The following ECT2 variants were observed in gnomAD, a reference collection of about 807,000 sequenced individuals.
The protein encoded by ECT2 is protein ECT2.
In ECT2, 61 loss-of-function variants were observed where a neutral mutation model predicts 116.9. That is an observed-to-expected ratio of 0.52 (90% CI 0.42 to 0.65). The LOEUF (loss-of-function observed/expected upper bound fraction) is 0.65, where lower values mean the gene tolerates loss of function less well. Ranked by LOEUF, ECT2 falls within the 30% of genes least tolerant of loss-of-function variation. ECT2 has a pLI of 0.00. For missense variants in ECT2, 937 were observed against 1,078.7 expected (o/e 0.87, Z 1.84); for synonymous variants, 358 against 346.4 (o/e 1.03, Z -0.37).
chr3:172,815,779 T>C (rs1729590720), intron 23 of ECT2, 68 bp downstream of exon 23: 1 of 1,031,250 alleles, frequency 9.7e-7, no homozygotes, highest in East Asian at 2.5e-5. Flanking sequence ...TCAAATAATA[T>C]TGCTGCAAAC....
At chr3:172,795,344 AT>A (rs1470674922) in intron 18 of ECT2, among the ~76,000 whole-genome samples, 16 of 144,980 alleles carry the variant, frequency 1.1e-4, no homozygotes, top group African/African-American at 2.9e-4. Context: ...AAAAAAAAAA[AT>A]TTTCAAAATT....
At chr3:172,765,815 T>C (rs1196529512) in intron 12 of ECT2, among the ~76,000 whole-genome samples, 3 of 152,194 alleles carry the variant, frequency 2.0e-5, no homozygotes, top group African/African-American at 7.2e-5. Flanking sequence ...TAATAATGCC[T>C]GTACTCTCTA....
In ECT2 at chr3:172,762,431, A is replaced by C; in HGVS notation, c.774A>C (p.Ala258=). The change falls in exon 9 of 25, where the codon GCA becomes GCC. Residue 258 remains alanine, a synonymous_variant. Transcript: ENST00000392692. ...ERRNEQDFYA[A]VDDFRNEFKV... is the part of the protein sequence containing the mutation. ...TTGTTTTTAGGGATTTCTATGCAGC[A>C]GTTGATGACTTTAGAAATGAATTTA... is the stretch of plus-strand genomic sequence containing the variant. 2.5e-6 allele frequency: 4 copies of C among 1,592,700 alleles called. No individual in the cohort carries two copies. Among genetic ancestry groups the C allele is most frequent in the Non-Finnish European group, 3.4e-6 (4 of 1,175,270 alleles).
At chr3:172,793,385 G>C (rs1162723147) in intron 18 of ECT2, among the ~76,000 whole-genome samples, 1 of 151,898 alleles carries the variant, frequency 6.6e-6, no homozygotes, top group Non-Finnish European at 1.5e-5. Context: ...AGTTGGCCTC[G>C]ATCTCCTGAC....
intron 18 of ECT2, among the ~76,000 whole-genome samples, chr3:172,791,790 C>T (rs576919178): frequency 2.0e-4 from 31 of 152,282 alleles, no homozygotes; most frequent in Middle Eastern, 6.8e-3. Flanking sequence ...ACTGGAGTAA[C>T]ACTTTTCATT....
In ECT2 at chr3:172,784,737, C is replaced by T; in HGVS notation, c.1759C>T (p.Gln587Ter). The T allele has an allele frequency of 6.2e-7, 1 of 1,613,572 alleles. No homozygotes were observed. The highest frequency in any genetic ancestry group is 8.5e-7 in the Non-Finnish European group (1 of 1,179,564). Residue 587 changes from glutamine to a stop codon, truncating the protein, a stop_gained, in exon 17 of 25, where the codon CAG becomes TAG. Coordinates refer to ENST00000392692, the MANE Select transcript of ECT2 (RefSeq NM_001258315.2). LOFTEE classifies it high-confidence loss of function. ...CCAAGCAAAACCAGAATGTGGACGG[C>T]AGAGCCTTGTTGAACTTCTTATCCG... ...INQAKPECGR[Q>*]SLVELLIRPV... is the part of the protein sequence containing the mutation.
chr3:172,786,726 G>T, intron 18 of ECT2, 152 bp downstream of exon 18: 1 of 580,092 alleles, frequency 1.7e-6, no homozygotes, highest in African/African-American at 1.9e-5. Context: ...TTAAAATGAA[G>T]TATTGTAAGA....
chr3:172,810,813 T>A (rs1728632165), intron 22 of ECT2, among the ~76,000 whole-genome samples: 1 of 152,182 alleles, frequency 6.6e-6, no homozygotes. Flanking sequence ...TTTCAAAATC[T>A]ATAGCTGAGG....
At chr3:172,819,658 ACACT>A (rs1162221611) in intron 24 of ECT2, among the ~76,000 whole-genome samples, 2 of 152,096 alleles carry the variant, frequency 1.3e-5, no homozygotes, top group Non-Finnish European at 2.9e-5. Flanking sequence ...ATACACTCTG[ACACT>A]CACATATGTA....
chr3:172,797,041 T>TGTGTGTGTGTGA (rs1553766478), intron 18 of ECT2, among the ~76,000 whole-genome samples: 93 of 151,694 alleles, frequency 6.1e-4, no homozygotes, highest in African/African-American at 2.1e-3. Context: ...TGTGTGTGTG[T>TGTGTGTGTGTGA]GTGTGTGTGT....
intron 22 of ECT2, among the ~76,000 whole-genome samples, chr3:172,815,092 C>T (rs539216824): frequency 2.0e-5 from 3 of 152,156 alleles, no homozygotes; most frequent in Admixed American, 1.3e-4. Context: ...GGAATATGCC[C>T]TTTGCACGTG....
intron 18 of ECT2, among the ~76,000 whole-genome samples, chr3:172,792,549 C>G (rs957308820): frequency 6.6e-6 from 1 of 150,520 alleles, no homozygotes; most frequent in African/African-American, 2.4e-5. Flanking sequence ...ATGGCTATAT[C>G]ACAGTTCATC....
the ECT2 span, among the ~76,000 whole-genome samples, chr3:172,827,989 A>G: frequency 6.6e-6 from 1 of 152,252 alleles, no homozygotes; most frequent in Non-Finnish European, 1.5e-5. Context: ...TTATTCAAAG[A>G]TGATATGATT....
chr3:172,772,507 A>G (rs1213802442), intron 13 of ECT2, among the ~76,000 whole-genome samples: 1 of 152,128 alleles, frequency 6.6e-6, no homozygotes, highest in Admixed American at 6.5e-5. Context: ...AGAATTCTTT[A>G]TATATTGTGG....
At chr3:172,789,317 C>T (rs1267651336) in intron 18 of ECT2, among the ~76,000 whole-genome samples, 5 of 151,834 alleles carry the variant, frequency 3.3e-5, no homozygotes, top group Middle Eastern at 6.8e-3. Flanking sequence ...CCTCCTCCCA[C>T]CTCATCCTCT....
rs1406693257 is a variant in ECT2, at chr3:172,816,777, A to C, written c.2595A>C (p.Arg865Ser). ...CATCCCACGGCTCAGTGGAGGGAAG[A>C]AGTCCTTCCAGCAATGATAAGCATG... is the stretch of plus-strand genomic sequence containing the variant. The part of the protein sequence containing the change: ...LMTSHGSVEG[R>S]SPSSNDKHVM... The change falls in exon 24 of 25, where the codon AGA (arginine) becomes AGC (serine). Residue 865 changes from arginine (R) to serine (S), a missense_variant. Transcript: ENST00000392692. 3.1e-6 allele frequency: 5 copies of C among 1,611,054 alleles called. No homozygotes were observed. Among genetic ancestry groups the C allele is most frequent in the Non-Finnish European group, 4.2e-6 (5 of 1,177,906 alleles).
chr3:172,775,583 T>C (rs1721499510), intron 14 of ECT2, among the ~76,000 whole-genome samples: 1 of 152,136 alleles, frequency 6.6e-6, no homozygotes, highest in South Asian at 2.1e-4. Context: ...TTGTAAGAAT[T>C]ACTGGGTGGC....
At chr3:172,808,621 TGA>T (rs1354833942) in intron 22 of ECT2, among the ~76,000 whole-genome samples, 1 of 152,160 alleles carries the variant, frequency 6.6e-6, no homozygotes, top group East Asian at 1.9e-4. Flanking sequence ...TCTCTATATA[TGA>T]GAGAGACACA....
intron 18 of ECT2, among the ~76,000 whole-genome samples, 181 bp downstream of exon 18, chr3:172,786,755 A>G (rs1162505543): frequency 6.6e-6 from 1 of 152,198 alleles, no homozygotes; most frequent in Non-Finnish European, 1.5e-5. Context: ...ATTAATCAAA[A>G]CATTTATTTC....
Sources: gnomAD v4.1 joint callset for allele counts (sites outside exome capture counted in the v4.1 genomes callset) on GRCh38, gnomAD v4.1.1 for gene constraint, MANE v1.5 for transcripts, NCBI Gene and HGNC (gene_info 2026-07-23, HGNC 2026-07-21) for gene names.